GTF2B: variants seen among roughly 807,000 people sequenced by gnomAD.
GTF2B encodes the protein transcription initiation factor IIB.
In GTF2B, 20 loss-of-function variants were observed where a neutral mutation model predicts 34.6. The ratio of observed to expected loss-of-function variants is 0.58; its 90% CI spans 0.41 to 0.84. The LOEUF (loss-of-function observed/expected upper bound fraction) is 0.84, where lower values mean the gene tolerates loss of function less well. GTF2B is among the 40% of genes least tolerant of loss of function. GTF2B has a pLI of 0.00. For synonymous variants in GTF2B, 142 were observed against 132.4 expected, an observed-to-expected ratio of 1.07 and a Z score of -0.50; for missense variants, 237 against 393.3, an observed-to-expected ratio of 0.60 and a Z score of 3.36.
intron 2 of GTF2B, among the ~76,000 whole-genome samples, chr1:88,880,515 T>C (rs1325845846): frequency 6.6e-6 from 1 of 152,244 alleles, no homozygotes; most frequent in Non-Finnish European, 1.5e-5. Context: ...ATTATAATAC[T>C]GTCTTTTCAT....
intron 5 of GTF2B, among the ~76,000 whole-genome samples, chr1:88,859,617 C>T (rs1271618076): frequency 6.6e-6 from 1 of 152,134 alleles, no homozygotes; most frequent in African/African-American, 2.4e-5. Context: ...GGGCAGATCA[C>T]CTGAGGTCAG....
intron 2 of GTF2B, among the ~76,000 whole-genome samples, chr1:88,886,353 C>T (rs1314094458): frequency 2.0e-5 from 3 of 152,278 alleles, no homozygotes; most frequent in Non-Finnish European, 4.4e-5. Context: ...TCAGATGCTA[C>T]AACTCCACCA....
At chr1:88,859,396 G>A (rs1367383615) in intron 5 of GTF2B, among the ~76,000 whole-genome samples, 2 of 152,176 alleles carry the variant, frequency 1.3e-5, no homozygotes, top group Non-Finnish European at 2.9e-5. Flanking sequence ...AAAAGAACAT[G>A]CTATGAATTT....
chr1:88,863,947 G>A (rs763786672), intron 3 of GTF2B, 34 bp downstream of exon 3: 9 of 1,603,924 alleles, frequency 5.6e-6, no homozygotes, highest in Non-Finnish European at 8.5e-7. Flanking sequence ...TGGTCACTCT[G>A]CAATTGGTAT....
intron 2 of GTF2B, among the ~76,000 whole-genome samples, chr1:88,884,402 T>C (rs1231805775): frequency 2.0e-5 from 3 of 152,190 alleles, no homozygotes; most frequent in South Asian, 2.1e-4. Context: ...AGGAAAAATA[T>C]ACCTGAGCTA....
chr1:88,872,524 T>C (rs1054282684), intron 2 of GTF2B, among the ~76,000 whole-genome samples: 5 of 142,336 alleles, frequency 3.5e-5, no homozygotes, highest in Admixed American at 1.4e-4. Context: ...TCTCTATTAA[T>C]ATAATTTTTT....
intron 2 of GTF2B, among the ~76,000 whole-genome samples, chr1:88,872,237 T>C (rs984382895): frequency 6.6e-6 from 1 of 151,814 alleles, no homozygotes; most frequent in Non-Finnish European, 1.5e-5. Context: ...GCGGATCACC[T>C]GAGGTCAAGA....
intron 5 of GTF2B, among the ~76,000 whole-genome samples, chr1:88,858,052 C>T (rs942943592): frequency 2.6e-5 from 4 of 151,958 alleles, no homozygotes; most frequent in Non-Finnish European, 5.9e-5. Flanking sequence ...GTCGTCCAGA[C>T]TGGAGTGCAG....
chr1:88,863,385 C>T (rs185990246), intron 3 of GTF2B, among the ~76,000 whole-genome samples: 2 of 152,108 alleles, frequency 1.3e-5, no homozygotes, highest in Non-Finnish European at 2.9e-5. Context: ...ACTCTGTTGC[C>T]CAGGCTGGAG....
intron 2 of GTF2B, among the ~76,000 whole-genome samples, chr1:88,877,669 T>C (rs1349981819): frequency 6.6e-6 from 1 of 152,230 alleles, no homozygotes; most frequent in East Asian, 1.9e-4. Flanking sequence ...CAGTGGCTCA[T>C]GCCTGTAATC....
chr1:88,888,753 C>T (rs1181138844), intron 1 of GTF2B, among the ~76,000 whole-genome samples: 1 of 152,200 alleles, frequency 6.6e-6, no homozygotes, highest in African/African-American at 2.4e-5. Flanking sequence ...ACTAACCATA[C>T]ACCATAACAT....
rs1468573419 is a variant in GTF2B, at chr1:88,857,430, A to G, written c.593T>C (p.Ile198Thr). Residue 198 changes from isoleucine (I) to threonine (T), a missense_variant, in exon 6 of 7, where the codon ATT becomes ACT. Coordinates refer to ENST00000370500, the MANE Select transcript of GTF2B (RefSeq NM_001514.6). ...KKEIGRCFKL[I>T]LKALETSVDL... ...CACACTGGTTTCTAGCGCTTTCAAA[A>G]TAAGTTTAAAACACCGACCAATTTC... is the stretch of plus-strand genomic sequence containing the variant. The G allele has an allele frequency of 5.0e-6, 8 of 1,608,832 alleles. No homozygotes were observed. In the Admixed American group the frequency reaches 8.3e-5, roughly 17 times the overall value.
intron 2 of GTF2B, among the ~76,000 whole-genome samples, chr1:88,883,996 T>C (rs1674003113): frequency 1.3e-5 from 2 of 151,702 alleles, no homozygotes; most frequent in Non-Finnish European, 1.5e-5. Context: ...TCACTGGAGC[T>C]AGTTCTTCTG....
At chr1:88,867,552 A>G (rs1426653614) in intron 2 of GTF2B, among the ~76,000 whole-genome samples, 1 of 152,248 alleles carries the variant, frequency 6.6e-6, no homozygotes, top group Non-Finnish European at 1.5e-5. Context: ...TTAAGCTAAA[A>G]AAAATCAACA....
At chr1:88,856,864 C>T (rs371929139) in intron 6 of GTF2B, among the ~76,000 whole-genome samples, 1 of 148,482 alleles carries the variant, frequency 6.7e-6, no homozygotes, top group Non-Finnish European at 1.5e-5. Flanking sequence ...TGCAATGGCA[C>T]AATCTCAGCT....
At chr1:88,867,038 T>TA (rs1163720533) in intron 2 of GTF2B, among the ~76,000 whole-genome samples, 1 of 152,168 alleles carries the variant, frequency 6.6e-6, no homozygotes, top group Non-Finnish European at 1.5e-5. Context: ...AAAAGATACT[T>TA]AAAAGTATCA....
intron 2 of GTF2B, among the ~76,000 whole-genome samples, chr1:88,886,589 A>G (rs1276733092): frequency 6.6e-6 from 1 of 152,190 alleles, no homozygotes; most frequent in Non-Finnish European, 1.5e-5. Context: ...CCCAATGTAT[A>G]AAAAAGCCAC....
chr1:88,871,969 G>C (rs926184980), intron 2 of GTF2B, among the ~76,000 whole-genome samples: 45 of 152,000 alleles, frequency 3.0e-4, no homozygotes, highest in Non-Finnish European at 5.0e-4. Flanking sequence ...CTGACCTCAG[G>C]TAGTCCACCC....
intron 6 of GTF2B, among the ~76,000 whole-genome samples, chr1:88,856,946 C>CA (rs1173072368): frequency 6.6e-6 from 1 of 151,818 alleles, no homozygotes; most frequent in Non-Finnish European, 1.5e-5. Flanking sequence ...GGATTACAAG[C>CA]CCCACCACCA....
Sources: allele counts gnomAD v4.1 joint callset (sites outside exome capture counted in the v4.1 genomes callset), GRCh38; gene constraint gnomAD v4.1.1; transcripts MANE v1.5; gene names NCBI Gene and HGNC (gene_info 2026-07-23, HGNC 2026-07-21).